Variants in COL11A1 observed in about 807,000 individuals in gnomAD.
The protein encoded by COL11A1 is collagen type XI alpha 1 chain.
Under a neutral mutation model 265.2 loss-of-function variants are expected in COL11A1, and 74 were observed. That is an observed-to-expected ratio of 0.28 (90% CI 0.23 to 0.34). The LOEUF (loss-of-function observed/expected upper bound fraction) is 0.34. Ranked by LOEUF, COL11A1 falls within the 10% of genes least tolerant of loss-of-function variation. COL11A1 has a pLI of 1.00. For synonymous variants in COL11A1, 816 were observed against 727.6 expected (o/e 1.12, Z -1.96); for missense variants, 2,165 against 2,263.6 (o/e 0.96, Z 0.88).
At chr1:102,907,232 A>G (rs907061991) in intron 54 of COL11A1, among the ~76,000 whole-genome samples, 2 of 152,144 alleles carry the variant, frequency 1.3e-5, no homozygotes, top group African/African-American at 2.4e-5. Flanking sequence ...AGTGACTAGA[A>G]TGGATTAAAA....
At chr1:102,908,947 T>C (rs1028699726) in intron 54 of COL11A1, among the ~76,000 whole-genome samples, 2 of 152,214 alleles carry the variant, frequency 1.3e-5, no homozygotes, top group East Asian at 3.8e-4. Flanking sequence ...TTGACATTTA[T>C]ATCTAAAGAA....
intron 31 of COL11A1, among the ~76,000 whole-genome samples, chr1:102,980,072 A>G (rs1020065946): frequency 2.6e-5 from 4 of 152,148 alleles, no homozygotes; most frequent in African/African-American, 4.8e-5. Flanking sequence ...TTAGTTATGC[A>G]TCAGCTAAAT....
At chr1:102,968,914 G>A (rs2615990) in intron 37 of COL11A1, among the ~76,000 whole-genome samples, 143,411 of 152,210 alleles carry the variant, frequency 0.94, 67,698 homozygotes, top group East Asian at 1. Context: ...GTAATTCTCT[G>A]GGTATCCTTT....
intron 58 of COL11A1, 80 bp from the exon 59 acceptor site, chr1:102,889,642 T>A: frequency 1.0e-6 from 1 of 986,614 alleles, no homozygotes; most frequent in Non-Finnish European, 1.6e-6. Context: ...ATTTGCACAT[T>A]AAATTTCTAA....
rs73000260 is a variant in COL11A1, at chr1:102,883,459, C to T, written c.4859-148G>A. The T allele has an allele frequency of 4.6e-3, 3,028 of 654,296 alleles. 60 individuals are homozygous for T. Among genetic ancestry groups the T allele is most frequent in the African/African-American group, 0.045 (2,476 of 55,576 alleles). The allele number at this position is 654,296 out of a possible 1,614,324, so 40.5% of individuals were successfully genotyped here. A position where few individuals can be genotyped will look rare whatever the true frequency, so the allele number is the denominator to read the frequency against. ...TTAAGCTTTTGGGCATATTGGGGTA[C>T]GGTTTTTAATAAAGAGTGATACTTT... On this transcript the variant is annotated intron_variant, in intron 63 of 66. Coordinates refer to ENST00000370096, the MANE Select transcript of COL11A1 (RefSeq NM_001854.4).
chr1:102,888,681 G>T, intron 61 of COL11A1, 42 bp downstream of exon 61: 1 of 1,613,436 alleles, frequency 6.2e-7, no homozygotes, highest in Middle Eastern at 1.7e-4. Context: ...AATTAAATAG[G>T]TTTCAATGCA....
At chr1:102,919,916 C>T (rs1655782428) in intron 49 of COL11A1, among the ~76,000 whole-genome samples, 1 of 151,980 alleles carries the variant, frequency 6.6e-6, no homozygotes, top group Admixed American at 6.6e-5. Context: ...ATCAACCAAT[C>T]TCTTCTATTT....
At chr1:102,892,503 T>G (rs1397399707) in intron 57 of COL11A1, among the ~76,000 whole-genome samples, 1 of 152,136 alleles carries the variant, frequency 6.6e-6, no homozygotes, top group African/African-American at 2.4e-5. Context: ...CCAAACTCTC[T>G]TCTTAGCTAC....
intron 57 of COL11A1, among the ~76,000 whole-genome samples, chr1:102,894,727 T>C (rs1010855300): frequency 6.6e-6 from 1 of 152,184 alleles, no homozygotes; most frequent in African/African-American, 2.4e-5. Flanking sequence ...GAGTTATTTA[T>C]ATAGGCTGAT....
intron 54 of COL11A1, among the ~76,000 whole-genome samples, chr1:102,910,133 T>C (rs1290782974): frequency 6.6e-6 from 1 of 151,968 alleles, no homozygotes; most frequent in Non-Finnish European, 1.5e-5. Context: ...GCTCATGAGA[T>C]TTACTGGTTC....
chr1:102,892,878 A>G (rs1393255849), intron 57 of COL11A1, among the ~76,000 whole-genome samples: 1 of 152,110 alleles, frequency 6.6e-6, no homozygotes, highest in African/African-American at 2.4e-5. Flanking sequence ...GATATGCTTA[A>G]TAATAATCTT....
chr1:103,022,669 T>C, intron 8 of COL11A1, 73 bp downstream of exon 8: 1 of 1,586,182 alleles, frequency 6.3e-7, no homozygotes, highest in Non-Finnish European at 8.6e-7. Context: ...TGAAAAGACA[T>C]TAAGATGGAC....
chr1:102,940,484 T>C, intron 42 of COL11A1, 50 bp from the exon 43 acceptor site: 1 of 1,311,752 alleles, frequency 7.6e-7, no homozygotes, highest in Non-Finnish European at 1.1e-6. Context: ...GAAGTGCAGC[T>C]ACAAGAGTAA....
At position 103,048,998 on chromosome 1, in the gene COL11A1, TGAG is replaced by T. The variant is rs770912417; in HGVS notation, c.652-17757_652-17755del. On this transcript the variant is annotated intron_variant, in intron 4 of 66. Transcript: ENST00000370096. ...ATAATTTCTGTTCTTTTACATTTGC[TGAG>T]GAGTGCTTTACTTCCAAATATGTGG... is the stretch of plus-strand genomic sequence containing the variant. Among the ~76,000 whole-genome samples the T allele has an allele frequency of 2.3e-3, 346 of 152,314 alleles. 2 individuals carry two copies. Among genetic ancestry groups the T allele is most frequent in the Non-Finnish European group, 3.5e-3 (241 of 68,026 alleles).
intron 20 of COL11A1, among the ~76,000 whole-genome samples, chr1:103,003,932 T>C (rs1003184247): frequency 3.3e-5 from 5 of 152,168 alleles, no homozygotes. Flanking sequence ...CAAGGTAGAA[T>C]GCAGCAATTT....
chr1:102,882,626 G>A (rs1240505531), intron 64 of COL11A1, among the ~76,000 whole-genome samples: 3 of 152,094 alleles, frequency 2.0e-5, no homozygotes, highest in Non-Finnish European at 4.4e-5. Context: ...AAGACAAAAT[G>A]TCCACTTATA....
intron 38 of COL11A1, among the ~76,000 whole-genome samples, chr1:102,964,532 T>C (rs916327874): frequency 9.9e-5 from 15 of 152,098 alleles, no homozygotes; most frequent in Non-Finnish European, 2.1e-4. Flanking sequence ...TCTTCATTTT[T>C]GCTTCTGTTA....
chr1:103,012,050 T>G (rs1318441738), intron 14 of COL11A1, among the ~76,000 whole-genome samples: 1 of 152,218 alleles, frequency 6.6e-6, no homozygotes, highest in Non-Finnish European at 1.5e-5. Flanking sequence ...TAAATTTTTC[T>G]TTTTTAACAA....
At chr1:102,909,718 A>G (rs1392506471) in intron 54 of COL11A1, among the ~76,000 whole-genome samples, 2 of 152,010 alleles carry the variant, frequency 1.3e-5, no homozygotes, top group African/African-American at 4.8e-5. Context: ...TCTTACTCAA[A>G]ACTACTTCGG....
Sources: allele counts gnomAD v4.1 joint callset (sites outside exome capture counted in the v4.1 genomes callset), GRCh38; gene constraint gnomAD v4.1.1; transcripts MANE v1.5; gene names NCBI Gene and HGNC (gene_info 2026-07-23, HGNC 2026-07-21).